The following GSK3B variants were observed in gnomAD, a reference collection of about 807,000 sequenced individuals.
The protein encoded by GSK3B is glycogen synthase kinase 3 beta, also known as glycogen synthase kinase-3 beta.
Under a neutral mutation model 56.4 loss-of-function variants are expected in GSK3B, and 15 were observed. The ratio of observed to expected loss-of-function variants is 0.27; its 90% CI spans 0.18 to 0.41. The LOEUF (loss-of-function observed/expected upper bound fraction) is 0.41. Among genes scored for constraint, GSK3B ranks in the 10% least tolerant of loss-of-function variants. The pLI is 1.00. For synonymous variants in GSK3B, 181 were observed against 188.9 expected (o/e 0.96, Z 0.34); for missense variants, 300 against 513.4 (o/e 0.58, Z 4.02).
chr3:119,863,858 C>G (rs564991913), intron 8 of GSK3B, among the ~76,000 whole-genome samples: 2 of 152,214 alleles, frequency 1.3e-5, no homozygotes, highest in East Asian at 3.9e-4. Context: ...GACATGCATA[C>G]AAAATATGAC....
At chr3:119,848,419 G>C (rs1387463065) in intron 9 of GSK3B, among the ~76,000 whole-genome samples, 1 of 149,754 alleles carries the variant, frequency 6.7e-6, no homozygotes, top group Non-Finnish European at 1.5e-5. Flanking sequence ...TTCAAGAAAA[G>C]CTTTTTTTTT....
At chr3:119,977,790 C>T (rs1291217496) in intron 2 of GSK3B, among the ~76,000 whole-genome samples, 6 of 152,032 alleles carry the variant, frequency 3.9e-5, no homozygotes, top group Non-Finnish European at 7.4e-5. Context: ...AAAAATTTGA[C>T]GTATAGCAGT....
At chr3:120,008,050 A>G (rs1219873567) in intron 1 of GSK3B, among the ~76,000 whole-genome samples, 1 of 152,232 alleles carries the variant, frequency 6.6e-6, no homozygotes, top group Admixed American at 6.5e-5. Context: ...AGGACACAAA[A>G]TCAATGTGCA....
intron 9 of GSK3B, among the ~76,000 whole-genome samples, chr3:119,844,106 A>G (rs935486022): frequency 6.6e-6 from 1 of 152,222 alleles, no homozygotes; most frequent in African/African-American, 2.4e-5. Context: ...GCAGAAATAA[A>G]TAAGTTCTTC....
At chr3:120,024,034 G>C (rs1180520988) in intron 1 of GSK3B, among the ~76,000 whole-genome samples, 1 of 152,142 alleles carries the variant, frequency 6.6e-6, no homozygotes, top group African/African-American at 2.4e-5. Context: ...AAATTAAGCT[G>C]GCACTTAACA....
intron 1 of GSK3B, among the ~76,000 whole-genome samples, chr3:120,052,214 A>G (rs2058156259): frequency 1.3e-5 from 2 of 152,234 alleles, no homozygotes; most frequent in Admixed American, 1.3e-4. Flanking sequence ...GTTTAAAAGA[A>G]TAGTACAATT....
intron 1 of GSK3B, among the ~76,000 whole-genome samples, chr3:120,081,991 T>C (rs915848955): frequency 6.6e-6 from 1 of 151,998 alleles, no homozygotes; most frequent in African/African-American, 2.4e-5. Context: ...ACAAAGAATA[T>C]TTGCATCGAA....
intron 6 of GSK3B, among the ~76,000 whole-genome samples, chr3:119,909,893 G>T (rs935536979): frequency 6.6e-6 from 1 of 152,146 alleles, no homozygotes; most frequent in African/African-American, 2.4e-5. Context: ...AAAGCTAATG[G>T]TCTCTATTCA....
intron 1 of GSK3B, among the ~76,000 whole-genome samples, chr3:120,091,066 C>A (rs1283738787): frequency 6.6e-6 from 1 of 152,170 alleles, no homozygotes; most frequent in South Asian, 2.1e-4. Context: ...TCTTTCCTCT[C>A]CCAACCATCA....
At chr3:119,921,655 A>G (rs2056841081) in intron 4 of GSK3B, among the ~76,000 whole-genome samples, 2 of 152,212 alleles carry the variant, frequency 1.3e-5, no homozygotes, top group African/African-American at 4.8e-5. Context: ...AAGAGAACCT[A>G]TGGATTAAAA....
At chr3:120,021,924 G>C (rs2057881399) in intron 1 of GSK3B, among the ~76,000 whole-genome samples, 1 of 152,154 alleles carries the variant, frequency 6.6e-6, no homozygotes, top group Non-Finnish European at 1.5e-5. Context: ...ATAATGCCTG[G>C]GGTGCTGGCT....
chr3:120,040,857 C>T (rs1039030678), intron 1 of GSK3B, among the ~76,000 whole-genome samples: 4 of 151,798 alleles, frequency 2.6e-5, no homozygotes, highest in Non-Finnish European at 4.4e-5. Flanking sequence ...CTAGATCCTG[C>T]TTCATATCCT....
rs570485396 is a variant in GSK3B at position 119,844,775 on chromosome 3, A to G, written c.1097-1422T>C. Among the ~76,000 whole-genome samples the G allele has an allele frequency of 7.9e-5, 12 of 152,364 alleles. No individual in the cohort carries two copies. The South Asian group carries it at 2.3e-3, about 29-fold the overall frequency. The stretch of plus-strand genomic sequence containing the variant: ...CATTCCTTCTGAAACTATTCCAATC[A>G]ACAGAAAAAGAGGGAATCCTCCCTA... On this transcript the variant is annotated intron_variant, in intron 9 of 10. Transcript: ENST00000264235.
At chr3:120,029,997 T>A in intron 1 of GSK3B, 1 of 429,264 alleles carries the variant, frequency 2.3e-6, no homozygotes, top group South Asian at 1.9e-5. Flanking sequence ...CCCAGTGTTT[T>A]CAGCTGTGTC....
At chr3:119,999,842 A>G (rs985298456) in intron 2 of GSK3B, among the ~76,000 whole-genome samples, 2 of 152,216 alleles carry the variant, frequency 1.3e-5, no homozygotes, top group Non-Finnish European at 1.5e-5. Context: ...TAACATAAAA[A>G]GTTTGGAAAG....
intron 7 of GSK3B, among the ~76,000 whole-genome samples, chr3:119,894,271 G>C (rs2108068572): frequency 6.6e-6 from 1 of 152,134 alleles, no homozygotes; most frequent in African/African-American, 2.4e-5. Context: ...TCAGTTATTA[G>C]GATATATACC....
intron 3 of GSK3B, among the ~76,000 whole-genome samples, chr3:119,934,769 T>C (rs1401782300): frequency 6.6e-6 from 1 of 152,172 alleles, no homozygotes; most frequent in African/African-American, 2.4e-5. Flanking sequence ...GGGAACATGT[T>C]CCAAAATACA....
chr3:120,040,706 T>G (rs2058058915), intron 1 of GSK3B, among the ~76,000 whole-genome samples: 1 of 151,654 alleles, frequency 6.6e-6, no homozygotes, highest in Non-Finnish European at 1.5e-5. Context: ...GCCCCCTAGG[T>G]CTCATGTTAA....
chr3:119,846,963 A>T (rs538415092), intron 9 of GSK3B, among the ~76,000 whole-genome samples: 12 of 152,362 alleles, frequency 7.9e-5, no homozygotes, highest in African/African-American at 2.9e-4. Flanking sequence ...GCCATAAAAA[A>T]AGAATGAGTT....
Sources: gnomAD v4.1 joint callset for allele counts (sites outside exome capture counted in the v4.1 genomes callset) on GRCh38, gnomAD v4.1.1 for gene constraint, MANE v1.5 for transcripts, NCBI Gene and HGNC (gene_info 2026-07-23, HGNC 2026-07-21) for gene names.